AP2A2: variants seen among roughly 807,000 people sequenced by gnomAD.
The protein encoded by AP2A2 is adaptor related protein complex 2 subunit alpha 2.
A neutral mutation model predicts 104.2 loss-of-function variants in AP2A2; 32 were observed. The ratio of observed to expected loss-of-function variants is 0.31; its 90% CI spans 0.23 to 0.41. The LOEUF is 0.41. Among genes scored for constraint, AP2A2 ranks in the 10% least tolerant of loss-of-function variants. The probability of loss-of-function intolerance (pLI) is 1.00; values close to 1 mark genes in which losing one functional copy is unlikely to be tolerated. For synonymous variants in AP2A2, 539 were observed against 533.3 expected (o/e 1.01, Z -0.15); for missense variants, 912 against 1,261.0 (o/e 0.72, Z 4.19).
intron 16 of AP2A2, among the ~76,000 whole-genome samples, chr11:1,005,378 T>A (rs1236628796): frequency 6.6e-6 from 1 of 152,094 alleles, no homozygotes; most frequent in Non-Finnish European, 1.5e-5. Context: ...CAGAGTTCCG[T>A]TTGGGAAGAT....
chr11:936,206 CTT>C (rs982315120), intron 1 of AP2A2, among the ~76,000 whole-genome samples: 23 of 110,046 alleles, frequency 2.1e-4, no homozygotes, highest in African/African-American at 4.8e-4. Context: ...TGCGCCTGGC[CTT>C]TTTTTTTTTT....
At chr11:1,009,930 T>C in intron 21 of AP2A2, 113 bp downstream of exon 21, 1 of 1,333,756 alleles carries the variant, frequency 7.5e-7, no homozygotes, top group South Asian at 1.4e-5. Flanking sequence ...TGACAGATGT[T>C]GTTTAACCAC....
chr11:977,007 C>T (rs1041242562), intron 4 of AP2A2, 88 bp from the exon 5 acceptor site: 27 of 1,562,618 alleles, frequency 1.7e-5, no homozygotes, highest in South Asian at 7.0e-5. Flanking sequence ...CCCACCCCCG[C>T]GTCTCCTGCT....
intron 1 of AP2A2, among the ~76,000 whole-genome samples, chr11:953,752 C>CCCT (rs1188944879): frequency 6.6e-6 from 1 of 152,124 alleles, no homozygotes; most frequent in Non-Finnish European, 1.5e-5. Context: ...TCATGCTCAG[C>CCCT]CCTCTGTGGA....
chr11:988,723 C>T lies in AP2A2; in HGVS notation c.1269+34C>T, dbSNP rs371478838. On this transcript the variant is annotated intron_variant, in intron 10 of 21. Transcript: ENST00000448903. ...TGGTGGCCTCTGAGTCCTCTCCTGCCACAGGCGTGAATCTCAGCGGCAGGA... is the reference window on the plus strand; with the variant it reads ...TGGTGGCCTCTGAGTCCTCTCCTGCTACAGGCGTGAATCTCAGCGGCAGGA... 1.7e-5 allele frequency: 27 copies of T among 1,610,890 alleles called. No homozygotes were observed. In the African/African-American group the frequency reaches 3.3e-4, roughly 20 times the overall value.
rs746878364 is a variant in AP2A2, at chr11:1,008,152, C to T, written c.2420+17C>T. On this transcript the variant is annotated intron_variant, in intron 18 of 21. Coordinates refer to ENST00000448903, the MANE Select transcript of AP2A2 (RefSeq NM_012305.4). ...TCAGTTCAGGTAAGAGCCGCCTGTGCGCCCCGGGCCAAGGGGTGTGTGGGC... is the reference window on the plus strand; with the variant it reads ...TCAGTTCAGGTAAGAGCCGCCTGTGTGCCCCGGGCCAAGGGGTGTGTGGGC... 54 of 1,584,112 alleles carry T rather than the reference C, an allele frequency of 3.4e-5. No homozygotes were observed. The highest frequency in any genetic ancestry group is 7.0e-5 in the South Asian group (6 of 86,124).
chr11:977,027 G>C, intron 4 of AP2A2, 68 bp from the exon 5 acceptor site: 4 of 1,599,138 alleles, frequency 2.5e-6, no homozygotes, highest in Non-Finnish European at 3.4e-6. Context: ...TGGCTCTGGG[G>C]GGGTGCTCCG....
rs1339631731 is a variant in AP2A2, at chr11:1,011,078, C to T, written c.*453C>T. 3.3e-6 allele frequency: 2 copies of T among 612,326 alleles called. No individual in the cohort carries two copies. Among genetic ancestry groups the T allele is most frequent in the South Asian group, 1.4e-5 (1 of 71,448 alleles). 37.9% of individuals were successfully genotyped at this position (612,326 alleles called of 1,614,324 possible). On this transcript the variant is annotated 3_prime_UTR_variant, in exon 22 of 22. Transcript: ENST00000448903. ...CTGGTGGCTGCACACCTGGCGTCGT[C>T]CTGGGCCCTTGGGAGGAGCACAGCT...
At chr11:1,008,543 C>G (rs759840089) in intron 18 of AP2A2, 4 of 209,040 alleles carry the variant, frequency 1.9e-5, no homozygotes, top group Non-Finnish European at 3.8e-5. Context: ...GAGCTCAGAT[C>G]GTACCACTTT....
At chr11:1,000,650 T>C (rs879692679) in intron 15 of AP2A2, 52 bp downstream of exon 15, 2 of 1,497,698 alleles carry the variant, frequency 1.3e-6, no homozygotes, top group Non-Finnish European at 1.8e-6. Flanking sequence ...CCGTGCCCCC[T>C]GACTTCTGGT....
chr11:967,182 A>G (rs994268132), intron 2 of AP2A2, among the ~76,000 whole-genome samples: 1 of 151,912 alleles, frequency 6.6e-6, no homozygotes, highest in Non-Finnish European at 1.5e-5. Context: ...CAAAACAAAA[A>G]TAACCAAGCA....
At chr11:998,517 T>G (rs928547796) in intron 14 of AP2A2, among the ~76,000 whole-genome samples, 1 of 152,130 alleles carries the variant, frequency 6.6e-6, no homozygotes, top group African/African-American at 2.4e-5. Context: ...TCTCAGATAA[T>G]TACAAACTAA....
chr11:991,055 C>T (rs373470354), intron 10 of AP2A2, among the ~76,000 whole-genome samples: 8 of 151,982 alleles, frequency 5.3e-5, no homozygotes, highest in South Asian at 4.2e-4. Context: ...CCCCCCACCC[C>T]GTCCTTTCAG....
chr11:1,002,266 G>A (rs1044905239), intron 15 of AP2A2, among the ~76,000 whole-genome samples: 8 of 152,252 alleles, frequency 5.3e-5, no homozygotes, highest in South Asian at 2.1e-4. Flanking sequence ...GGCTGTGGGC[G>A]GAGCAGCGAC....
At chr11:987,997 A>G (rs944188588) in intron 9 of AP2A2, among the ~76,000 whole-genome samples, 1 of 152,194 alleles carries the variant, frequency 6.6e-6, no homozygotes, top group African/African-American at 2.4e-5. Flanking sequence ...GTTTTAGTCA[A>G]TCCCTATTGT....
At chr11:996,901 C>T (rs568467930) in intron 14 of AP2A2, among the ~76,000 whole-genome samples, 3 of 151,534 alleles carry the variant, frequency 2.0e-5, no homozygotes, top group Non-Finnish European at 2.9e-5. Flanking sequence ...TGGGCGCCTC[C>T]GTCCTGACCG....
chr11:981,656 C>T (rs969145813), intron 6 of AP2A2, among the ~76,000 whole-genome samples: 1 of 152,258 alleles, frequency 6.6e-6, no homozygotes, highest in African/African-American at 2.4e-5. Flanking sequence ...GATGGACCTG[C>T]AGCACACATT....
intron 1 of AP2A2, among the ~76,000 whole-genome samples, chr11:939,949 T>A (rs1243563051): frequency 7.3e-6 from 1 of 136,274 alleles, no homozygotes; most frequent in Non-Finnish European, 1.6e-5. Flanking sequence ...TTGTTTTGCT[T>A]ACTTTTTTTT....
intron 2 of AP2A2, among the ~76,000 whole-genome samples, chr11:966,051 T>G (rs993543207): frequency 1.3e-5 from 2 of 152,184 alleles, no homozygotes; most frequent in Non-Finnish European, 2.9e-5. Flanking sequence ...TTTCCTAGGC[T>G]GATCACAAAT....
Sources: gnomAD v4.1 joint callset for allele counts (sites outside exome capture counted in the v4.1 genomes callset) on GRCh38, gnomAD v4.1.1 for gene constraint, MANE v1.5 for transcripts, NCBI Gene and HGNC (gene_info 2026-07-23, HGNC 2026-07-21) for gene names.